Variants in NECAP2 observed in about 807,000 individuals in gnomAD.
NECAP2 encodes adaptin ear-binding coat-associated protein 2.
NECAP2 carries 38 observed loss-of-function variants against 37.8 expected under a neutral mutation model. The observed-to-expected ratio is 1.01, with a 90% CI of 0.78 to 1.32. NECAP2 has a LOEUF of 1.32. Ranked by LOEUF, NECAP2 falls within the 40% of genes most tolerant of loss-of-function variation. The pLI, the probability that NECAP2 is intolerant of heterozygous loss-of-function variation, is 0.00. For missense variants in NECAP2, 316 were observed against 334.5 expected (o/e 0.94, Z 0.43); for synonymous variants, 121 against 127.7 (o/e 0.95, Z 0.35).
intron 2 of NECAP2, among the ~76,000 whole-genome samples, chr1:16,447,268 G>A (rs1294529204): frequency 3.3e-5 from 5 of 150,512 alleles, no homozygotes; most frequent in African/African-American, 7.3e-5. Flanking sequence ...ATGTTGTGCC[G>A]CACTGTCGAG....
At chr1:16,449,962 C>G (rs887619647) in intron 5 of NECAP2, 5 of 296,942 alleles carry the variant, frequency 1.7e-5, no homozygotes, top group African/African-American at 1.1e-4. Flanking sequence ...TTGCGGGGAC[C>G]CAAGGACCAA....
At chr1:16,450,440 T>G (rs2086825564) in intron 5 of NECAP2, 1 of 209,686 alleles carries the variant, frequency 4.8e-6, no homozygotes, top group African/African-American at 2.4e-5. Context: ...CTGAGGTCTT[T>G]GAGGTCTTTT....
At position 16,451,990 on chromosome 1, in the gene NECAP2, C is replaced by A; in HGVS notation, c.642C>A (p.Val214=). The A allele has an allele frequency of 6.2e-7, 1 of 1,601,884 alleles. No individual in the cohort carries two copies. The highest frequency in any genetic ancestry group is 8.5e-7 in the Non-Finnish European group (1 of 1,173,740). ...AGTTGGCTGTGGGGGGATCCCTCGT[C>A]CAGCCAGCAGTTGCTCCCAGTTCAG... ...GEQLAVGGSL[V]QPAVAPSSGG... The change falls in exon 6 of 8, where the codon GTC becomes GTA. Residue 214 remains valine, a synonymous_variant. Coordinates refer to ENST00000337132, the MANE Select transcript of NECAP2 (RefSeq NM_018090.5).
rs1459628007 is a variant in NECAP2, at chr1:16,440,758, C to T, written c.-4C>T. 4 of 1,612,740 alleles carry T rather than the reference C, an allele frequency of 2.5e-6. No homozygotes were observed. Among genetic ancestry groups the T allele is most frequent in the African/African-American group, 2.7e-5 (2 of 74,906 alleles). On this transcript the variant is annotated 5_prime_UTR_variant, in exon 1 of 8. Coordinates refer to ENST00000337132, the MANE Select transcript of NECAP2 (RefSeq NM_018090.5). ...CGGAAGTTCGGTGGGCTCCAGGCGTCGCGATGGAGGAGAGCGGGTACGAGT... is the reference window on the plus strand; with the variant it reads ...CGGAAGTTCGGTGGGCTCCAGGCGTTGCGATGGAGGAGAGCGGGTACGAGT...
At chr1:16,443,790 G>C in intron 2 of NECAP2, 58 bp downstream of exon 2, 1 of 1,407,712 alleles carries the variant, frequency 7.1e-7, no homozygotes. Context: ...TATGAAGGGA[G>C]AGGTGGCCTG....
At chr1:16,450,387 C>G in intron 5 of NECAP2, 1 of 310,524 alleles carries the variant, frequency 3.2e-6, no homozygotes, top group Non-Finnish European at 6.3e-6. Flanking sequence ...GGGACTTGCC[C>G]AGGGTCACAG....
intron 1 of NECAP2, 139 bp downstream of exon 1, chr1:16,440,992 C>T (rs894537352): frequency 3.6e-5 from 25 of 685,056 alleles, no homozygotes; most frequent in Non-Finnish European, 5.6e-5. Context: ...TCTTCCAGTT[C>T]CAGGCCCGAG....
chr1:16,459,139 T>C lies in NECAP2; in HGVS notation c.*249T>C, dbSNP rs1186775120. On this transcript the variant is annotated 3_prime_UTR_variant, in exon 8 of 8. Transcript: ENST00000337132. The stretch of plus-strand genomic sequence containing the variant: ...AAAAGCTCCAGGATCCCTGTCCCCA[T>C]CTGTCCTCTTGATGTGAGAGAGACT... 1.3e-6 allele frequency: 1 copy of C among 761,608 alleles called. No homozygotes were observed. Among genetic ancestry groups the C allele is most frequent in the East Asian group, 2.8e-5 (1 of 36,196 alleles). 47.2% of individuals were successfully genotyped at this position (761,608 alleles called of 1,614,324 possible).
At position 16,449,037 on chromosome 1, in the gene NECAP2, T is replaced by C. The variant is rs148625336; in HGVS notation, c.381-56T>C. On this transcript the variant is annotated intron_variant, in intron 4 of 7. Coordinates refer to ENST00000337132, the MANE Select transcript of NECAP2 (RefSeq NM_018090.5). ...AGGCAGTAGTGAAGTGAGCCAGTGATTGCAGGGCAGCTGGTCTCTTCCTTC... is the reference window on the plus strand; with the variant it reads ...AGGCAGTAGTGAAGTGAGCCAGTGACTGCAGGGCAGCTGGTCTCTTCCTTC... The C allele has an allele frequency of 4.7e-3, 5,584 of 1,181,032 alleles. 29 individuals carry two copies. Among genetic ancestry groups the C allele is most frequent in the Non-Finnish European group, 4.9e-3 (4,007 of 811,554 alleles). 73.2% of individuals were successfully genotyped at this position (1,181,032 alleles called of 1,614,324 possible). A position where few individuals can be genotyped will look rare whatever the true frequency, so the allele number is the denominator to read the frequency against.
intron 1 of NECAP2, 90 bp from the exon 2 acceptor site, chr1:16,443,542 G>T: frequency 2.0e-6 from 2 of 976,296 alleles, no homozygotes; most frequent in Non-Finnish European, 3.2e-6. Context: ...GCCAACTCTT[G>T]GGCTAGAATA....
At chr1:16,441,112 C>T (rs1191168851) in intron 1 of NECAP2, 1 of 512,088 alleles carries the variant, frequency 2.0e-6, no homozygotes, top group Non-Finnish European at 3.5e-6. Flanking sequence ...GGTGGGCTGC[C>T]GGGTACCCTA....
chr1:16,457,381 C>A (rs558717500), intron 7 of NECAP2, among the ~76,000 whole-genome samples: 1 of 152,090 alleles, frequency 6.6e-6, no homozygotes, highest in East Asian at 1.9e-4. Context: ...TGCTTGAACC[C>A]GGGAGATTGC....
chr1:16,447,754 C>T (rs985770299), intron 2 of NECAP2, 116 bp from the exon 3 acceptor site: 8 of 764,914 alleles, frequency 1.0e-5, no homozygotes, highest in South Asian at 3.0e-5. Flanking sequence ...TAAGGTTTGC[C>T]GATCTGTCTC....
At chr1:16,446,769 C>CCTGGG (rs931482919) in intron 2 of NECAP2, among the ~76,000 whole-genome samples, 1 of 152,064 alleles carries the variant, frequency 6.6e-6, no homozygotes, top group Admixed American at 6.6e-5. Flanking sequence ...GTCTCAAATT[C>CCTGGG]CTGGGCTGGG....
chr1:16,446,093 G>A (rs1388875545), intron 2 of NECAP2, among the ~76,000 whole-genome samples: 5 of 152,054 alleles, frequency 3.3e-5, no homozygotes, highest in South Asian at 2.1e-4. Flanking sequence ...CTGTAAACCC[G>A]GCTATTCGGG....
chr1:16,448,580 T>G (rs2086796243), intron 4 of NECAP2, among the ~76,000 whole-genome samples: 1 of 152,204 alleles, frequency 6.6e-6, no homozygotes, highest in African/African-American at 2.4e-5. Flanking sequence ...GTGAGTGGGC[T>G]GTGCCCGGCC....
intron 5 of NECAP2, chr1:16,451,543 T>A (rs1040456138): frequency 2.5e-6 from 1 of 404,426 alleles, no homozygotes; most frequent in Non-Finnish European, 4.4e-6. Flanking sequence ...TACTTGATAA[T>A]CTACATTTTA....
intron 6 of NECAP2, chr1:16,455,581 A>G (rs1417751217): frequency 1.9e-6 from 1 of 527,096 alleles, no homozygotes; most frequent in African/African-American, 1.9e-5. Context: ...TCCACCTTGT[A>G]TGTGGCTTTC....
At chr1:16,447,219 GAAAAACTGATGCCA>G (rs1469617629) in intron 2 of NECAP2, among the ~76,000 whole-genome samples, 2 of 152,154 alleles carry the variant, frequency 1.3e-5, no homozygotes, top group Non-Finnish European at 2.9e-5. Flanking sequence ...CAGCACATGG[GAAAAACTGATGCCA>G]GTCATAAATG....
Sources: allele counts gnomAD v4.1 joint callset (sites outside exome capture counted in the v4.1 genomes callset), GRCh38; gene constraint gnomAD v4.1.1; transcripts MANE v1.5; gene names NCBI Gene and HGNC (gene_info 2026-07-23, HGNC 2026-07-21).